Variants in OXR1 observed in about 807,000 individuals in gnomAD.
OXR1 encodes oxidation resistance 1.
A neutral mutation model predicts 104.6 loss-of-function variants in OXR1; 41 were observed. The ratio of observed to expected loss-of-function variants is 0.39; its 90% CI spans 0.31 to 0.51. OXR1 has a LOEUF of 0.51. OXR1 is among the 20% of genes least tolerant of loss of function. The probability of loss-of-function intolerance (pLI) is 0.77; values close to 1 mark genes in which losing one functional copy is unlikely to be tolerated. For synonymous variants in OXR1, 348 were observed against 348.4 expected (o/e 1.00, Z 0.01); for missense variants, 955 against 1,031.9 (o/e 0.93, Z 1.02).
intron 2 of OXR1, among the ~76,000 whole-genome samples, chr8:106,442,255 G>A (rs77085351): frequency 0.031 from 4,647 of 152,258 alleles, 101 homozygotes; most frequent in Non-Finnish European, 0.044. Flanking sequence ...GCATCCTAGG[G>A]ATGAAGCCAA....
intron 1 of OXR1, among the ~76,000 whole-genome samples, chr8:106,280,416 T>A (rs1812231220): frequency 6.6e-6 from 1 of 152,216 alleles, no homozygotes; most frequent in South Asian, 2.1e-4. Flanking sequence ...CATGCCTTTC[T>A]CTTAGCTTCT....
chr8:106,664,665 T>C (rs1826095887), intron 3 of OXR1, among the ~76,000 whole-genome samples: 1 of 152,222 alleles, frequency 6.6e-6, no homozygotes, highest in Non-Finnish European at 1.5e-5. Context: ...GATTTTAAGT[T>C]GAAAGGTGCA....
intron 2 of OXR1, among the ~76,000 whole-genome samples, chr8:106,469,834 A>T (rs1168495413): frequency 1.3e-5 from 2 of 151,880 alleles, no homozygotes; most frequent in African/African-American, 4.8e-5. Context: ...GGTTGCAGTA[A>T]TAAAGAAGTT....
chr8:106,304,525 G>A (rs1167004268), intron 1 of OXR1, among the ~76,000 whole-genome samples: 1 of 152,036 alleles, frequency 6.6e-6, no homozygotes. Context: ...AAATTTTCTA[G>A]TAGCAACATT....
At chr8:106,674,308 A>G (rs1369130007) in intron 3 of OXR1, among the ~76,000 whole-genome samples, 4 of 152,210 alleles carry the variant, frequency 2.6e-5, no homozygotes, top group Non-Finnish European at 5.9e-5. Context: ...TTAAGATTTA[A>G]TGACTGCCCT....
chr8:106,464,894 TAC>T (rs1821094812), intron 2 of OXR1, among the ~76,000 whole-genome samples: 1 of 152,032 alleles, frequency 6.6e-6, no homozygotes, highest in African/African-American at 2.4e-5. Context: ...ACTACATTTA[TAC>T]TCATTCATTC....
intron 2 of OXR1, among the ~76,000 whole-genome samples, chr8:106,404,471 T>A (rs1818132665): frequency 6.6e-6 from 1 of 152,162 alleles, no homozygotes; most frequent in African/African-American, 2.4e-5. Flanking sequence ...GATTCTGCAT[T>A]TGATTTTTGT....
chr8:106,453,577 C>T (rs944652260), intron 2 of OXR1, among the ~76,000 whole-genome samples: 1 of 152,170 alleles, frequency 6.6e-6, no homozygotes, highest in Non-Finnish European at 1.5e-5. Context: ...AACTATTCCT[C>T]CTACCACCAG....
At position 106,306,241 on chromosome 8, in the gene OXR1, A is replaced by G. The variant is rs1043056241; in HGVS notation, c.-139+35874A>G. ...TTTAATCTGCACGTAAGATTCAACA[A>G]TTTTGGATTCACAAAGCACTGATGT... On this transcript the variant is annotated intron_variant, in intron 1 of 16. Transcript: ENST00000517566. Among the ~76,000 whole-genome samples, 22 of 152,106 alleles carry G rather than the reference A, an allele frequency of 1.4e-4. 1 individual carries two copies.
intron 3 of OXR1, among the ~76,000 whole-genome samples, chr8:106,622,769 T>G (rs973825228): frequency 6.6e-6 from 1 of 152,222 alleles, no homozygotes; most frequent in Non-Finnish European, 1.5e-5. Flanking sequence ...CTGCTTTTTT[T>G]CTTTTTCTCC....
chr8:106,483,300 T>C (rs918219849), intron 2 of OXR1, among the ~76,000 whole-genome samples: 1 of 152,028 alleles, frequency 6.6e-6, no homozygotes, highest in African/African-American at 2.4e-5. Context: ...TAGTGCCATC[T>C]GGAGTGGGGG....
chr8:106,303,900 C>T (rs1429440393), intron 1 of OXR1, among the ~76,000 whole-genome samples: 2 of 152,144 alleles, frequency 1.3e-5, no homozygotes, highest in Admixed American at 6.5e-5. Flanking sequence ...TCATTATTCA[C>T]TTCTCTCTTT....
chr8:106,516,445 G>A (rs1249899039), intron 2 of OXR1, among the ~76,000 whole-genome samples: 1 of 152,128 alleles, frequency 6.6e-6, no homozygotes, highest in Non-Finnish European at 1.5e-5. Context: ...TATCCCTGGT[G>A]CCCAGAACAG....
chr8:106,409,626 A>T (rs1328801388), intron 2 of OXR1, among the ~76,000 whole-genome samples: 1 of 152,194 alleles, frequency 6.6e-6, no homozygotes, highest in Non-Finnish European at 1.5e-5. Flanking sequence ...CATCCATGGA[A>T]ATTAATTCAC....
intron 2 of OXR1, among the ~76,000 whole-genome samples, chr8:106,474,358 A>G (rs988917508): frequency 6.6e-6 from 1 of 151,840 alleles, no homozygotes; most frequent in Non-Finnish European, 1.5e-5. Context: ...TCTTTAGATT[A>G]CAGTGTTTTG....
At chr8:106,698,148 A>G (rs1830250788) in intron 7 of OXR1, 2 of 615,824 alleles carry the variant, frequency 3.2e-6, no homozygotes, top group Admixed American at 2.9e-5. Context: ...TTCATTTTCA[A>G]AGGATATTTT....
At chr8:106,440,009 A>G (rs1412239303) in intron 2 of OXR1, among the ~76,000 whole-genome samples, 2 of 152,058 alleles carry the variant, frequency 1.3e-5, no homozygotes, top group African/African-American at 4.8e-5. Context: ...TGATATTCGG[A>G]GGCATGAAGA....
At chr8:106,467,324 G>A (rs1198399456) in intron 2 of OXR1, among the ~76,000 whole-genome samples, 2 of 151,814 alleles carry the variant, frequency 1.3e-5, no homozygotes, top group Non-Finnish European at 2.9e-5. Context: ...GCTGTATTCT[G>A]TGACTATATT....
At chr8:106,719,766 TATC>T (rs1832659300) in intron 11 of OXR1, among the ~76,000 whole-genome samples, 1 of 152,158 alleles carries the variant, frequency 6.6e-6, no homozygotes, top group Non-Finnish European at 1.5e-5. Context: ...AAGTATAGAT[TATC>T]ATCTTTATTT....
Sources: allele counts gnomAD v4.1 joint callset (sites outside exome capture counted in the v4.1 genomes callset), GRCh38; gene constraint gnomAD v4.1.1; transcripts MANE v1.5; gene names NCBI Gene and HGNC (gene_info 2026-07-23, HGNC 2026-07-21).